ANKRD6: variants seen among roughly 807,000 people sequenced by gnomAD.
ANKRD6 encodes the protein ankyrin repeat domain-containing protein 6.
A neutral mutation model predicts 82.3 loss-of-function variants in ANKRD6; 56 were observed. That is an observed-to-expected ratio of 0.68 (90% CI 0.55 to 0.85). ANKRD6 has a LOEUF of 0.85. ANKRD6 is among the 40% of genes least tolerant of loss of function. ANKRD6 has a pLI of 0.00. For missense variants in ANKRD6, 852 were observed against 907.6 expected (o/e 0.94, Z 0.79); for synonymous variants, 347 against 352.1 (o/e 0.99, Z 0.16).
At chr6:89,620,903 A>C (rs1802997408) in intron 9 of ANKRD6, among the ~76,000 whole-genome samples, 3 of 152,186 alleles carry the variant, frequency 2.0e-5, no homozygotes, top group Admixed American at 2.0e-4. Flanking sequence ...GTCTCTACTA[A>C]AAATACAAAA....
intron 2 of ANKRD6, among the ~76,000 whole-genome samples, chr6:89,579,630 G>T (rs182487959): frequency 2.0e-5 from 3 of 151,768 alleles, no homozygotes; most frequent in African/African-American, 7.3e-5. Context: ...GGTGGTGCAC[G>T]CCTGTAATCC....
At chr6:89,618,378 TC>T (rs1487590150) in intron 9 of ANKRD6, 3 of 591,186 alleles carry the variant, frequency 5.1e-6, no homozygotes, top group Non-Finnish European at 9.0e-6. Context: ...CAAATGCCCA[TC>T]CCTGAAGAAG....
intron 1 of ANKRD6, among the ~76,000 whole-genome samples, chr6:89,522,355 G>A (rs1425318577): frequency 1.3e-5 from 2 of 152,152 alleles, no homozygotes; most frequent in East Asian, 1.9e-4. Flanking sequence ...TAAGGAGCTC[G>A]ACTGCATCTC....
intron 1 of ANKRD6, among the ~76,000 whole-genome samples, chr6:89,482,734 T>A (rs1454433561): frequency 6.6e-6 from 1 of 152,206 alleles, no homozygotes; most frequent in Non-Finnish European, 1.5e-5. Context: ...AGAATAAATC[T>A]ACTCTTTGTA....
At chr6:89,494,305 C>T (rs535606208) in intron 1 of ANKRD6, among the ~76,000 whole-genome samples, 1 of 152,318 alleles carries the variant, frequency 6.6e-6, no homozygotes, top group African/African-American at 2.4e-5. Flanking sequence ...GATCAGATGT[C>T]ACCTGGGGGA....
chr6:89,481,541 T>C (rs1386413507), intron 1 of ANKRD6, among the ~76,000 whole-genome samples: 1 of 152,216 alleles, frequency 6.6e-6, no homozygotes, highest in Non-Finnish European at 1.5e-5. Flanking sequence ...AGAGGGCAAT[T>C]TGTCAGTAAT....
chr6:89,465,892 T>A (rs934724179), intron 1 of ANKRD6, among the ~76,000 whole-genome samples: 4 of 152,000 alleles, frequency 2.6e-5, no homozygotes, highest in East Asian at 1.9e-4. Flanking sequence ...TAAAAAAAAA[T>A]TTTAATGAGG....
At chr6:89,625,726 A>G (rs1270019574) in intron 13 of ANKRD6, among the ~76,000 whole-genome samples, 1 of 148,472 alleles carries the variant, frequency 6.7e-6, no homozygotes, top group Non-Finnish European at 1.5e-5. Context: ...GTAAAATAGT[A>G]TTTGTTACAA....
At chr6:89,458,264 T>A (rs542398441) in intron 1 of ANKRD6, among the ~76,000 whole-genome samples, 3 of 152,368 alleles carry the variant, frequency 2.0e-5, no homozygotes, top group Non-Finnish European at 4.4e-5. Context: ...TTTTGGGCTA[T>A]AACTGTGGAA....
rs142632264 is a variant in ANKRD6 at position 89,624,515 on chromosome 6, A to G, written c.1219-24A>G. 13 of 1,551,520 alleles carry G rather than the reference A, an allele frequency of 8.4e-6. No individual in the cohort carries two copies. In the East Asian group the frequency reaches 3.2e-4, roughly 38 times the overall value. On this transcript the variant is annotated intron_variant, in intron 12 of 15. Transcript: ENST00000339746. ...TGATGAAGGAATGAACAAGGGATTG[A>G]TTCCTTTTTTGTTTCTCTCTTAGGC...
chr6:89,497,368 C>G (rs974184580), intron 1 of ANKRD6, among the ~76,000 whole-genome samples: 28 of 152,188 alleles, frequency 1.8e-4, no homozygotes, highest in Admixed American at 2.0e-4. Context: ...CTGGTAAGTT[C>G]CTACCTCCTG....
chr6:89,520,728 A>C (rs2127966744), intron 1 of ANKRD6, among the ~76,000 whole-genome samples: 1 of 152,374 alleles, frequency 6.6e-6, no homozygotes, highest in South Asian at 2.1e-4. Flanking sequence ...TATTAGCTTT[A>C]ATTATGATAG....
chr6:89,554,460 A>G (rs1360281366), intron 1 of ANKRD6, among the ~76,000 whole-genome samples: 4 of 148,222 alleles, frequency 2.7e-5, no homozygotes, highest in South Asian at 2.2e-4. Context: ...TTTTTTTGTC[A>G]TATAAATTAA....
At chr6:89,475,222 A>G (rs1775905376) in intron 1 of ANKRD6, among the ~76,000 whole-genome samples, 1 of 152,216 alleles carries the variant, frequency 6.6e-6, no homozygotes, top group Non-Finnish European at 1.5e-5. Flanking sequence ...CAACTTATTT[A>G]AGAAACAAAC....
chr6:89,578,286 C>CTTTTTTTTT lies in ANKRD6; in HGVS notation c.120+11208_120+11216dup, dbSNP rs71024383. ...ATTAGCTTTTTCCCCCTCCCGCCTC[C>CTTTTTTTTT]TTTTTTTTTTTTTTTTTTTTTTTTT... On this transcript the variant is annotated intron_variant, in intron 2 of 15. Transcript: ENST00000339746. Among the ~76,000 whole-genome samples the CTTTTTTTTT allele has an allele frequency of 1.3e-4, 16 of 119,098 alleles. 8 individuals are homozygous for CTTTTTTTTT. The highest frequency in any genetic ancestry group is 1.4e-4 in the Non-Finnish European group (8 of 58,470). 78.1% of individuals were successfully genotyped at this position (119,098 alleles called of 152,430 possible).
intron 1 of ANKRD6, among the ~76,000 whole-genome samples, chr6:89,563,198 A>C (rs1399341859): frequency 2.0e-5 from 3 of 152,142 alleles, no homozygotes; most frequent in African/African-American, 4.8e-5. Flanking sequence ...TAAAAAGAAA[A>C]CTGATTGCAT....
chr6:89,604,967 C>T (rs1393919564), intron 4 of ANKRD6, among the ~76,000 whole-genome samples: 1 of 152,166 alleles, frequency 6.6e-6, no homozygotes, highest in East Asian at 1.9e-4. Flanking sequence ...CGGGCTCTTC[C>T]CTCCCTGGAA....
At chr6:89,572,219 A>G (rs116146664) in intron 2 of ANKRD6, among the ~76,000 whole-genome samples, 18 of 152,366 alleles carry the variant, frequency 1.2e-4, no homozygotes, top group African/African-American at 4.3e-4. Flanking sequence ...AATTATGAGT[A>G]AAGCTGCTAT....
rs1583325257 is a variant in ANKRD6 at position 89,567,048 on chromosome 6, G to A, written c.72G>A (p.Glu24=). ...LLVAAYKGQT[E]NVVQLINKGA... ...TAGCTGCGTACAAAGGCCAAACAGA[G>A]AATGTGGTTCAGCTCATCAACAAGG... The change falls in exon 2 of 16, where the codon GAG becomes GAA. Residue 24 remains glutamate (E), a synonymous_variant. Transcript: ENST00000339746. 6.2e-7 allele frequency: 1 copy of A among 1,607,430 alleles called. No homozygotes were observed. The highest frequency in any genetic ancestry group is 1.3e-5 in the African/African-American group (1 of 74,964).
Sources: gnomAD v4.1 joint callset for allele counts (sites outside exome capture counted in the v4.1 genomes callset) on GRCh38, gnomAD v4.1.1 for gene constraint, MANE v1.5 for transcripts, NCBI Gene and HGNC (gene_info 2026-07-23, HGNC 2026-07-21) for gene names.